Variants in TRAPPC8 observed in about 807,000 individuals in gnomAD.
TRAPPC8 encodes the protein trafficking protein particle complex subunit 8.
A neutral mutation model predicts 174.3 loss-of-function variants in TRAPPC8; 54 were observed. The observed-to-expected ratio is 0.31, with a 90% CI of 0.25 to 0.39. The LOEUF (loss-of-function observed/expected upper bound fraction) is 0.39, where lower values mean the gene tolerates loss of function less well. Among genes scored for constraint, TRAPPC8 ranks in the 10% least tolerant of loss-of-function variants. TRAPPC8 has a pLI of 1.00. For synonymous variants in TRAPPC8, 630 were observed against 579.9 expected (o/e 1.09, Z -1.24); for missense variants, 1,531 against 1,699.1 (o/e 0.90, Z 1.74).
intron 12 of TRAPPC8, among the ~76,000 whole-genome samples, chr18:31,880,458 A>G (rs2035392300): frequency 6.6e-6 from 1 of 152,100 alleles, no homozygotes; most frequent in Non-Finnish European, 1.5e-5. Flanking sequence ...CCTTCATGAT[A>G]AAAGCTCTTA....
At chr18:31,871,142 C>T in intron 14 of TRAPPC8, 22 bp from the exon 15 acceptor site, 25 of 1,460,050 alleles carry the variant, frequency 1.7e-5, no homozygotes, top group Non-Finnish European at 2.2e-5. Context: ...TTGTTAACAA[C>T]ACGTTTATGA....
chr18:31,902,044 G>A (rs564237347), intron 9 of TRAPPC8, among the ~76,000 whole-genome samples: 1 of 152,298 alleles, frequency 6.6e-6, no homozygotes, highest in African/African-American at 2.4e-5. Flanking sequence ...GCCGGGTGTG[G>A]TGACGCATGC....
intron 12 of TRAPPC8, among the ~76,000 whole-genome samples, chr18:31,877,206 G>A (rs570381057): frequency 1.3e-5 from 2 of 152,156 alleles, no homozygotes; most frequent in Non-Finnish European, 2.9e-5. Context: ...ATCATTTCCC[G>A]CCCACCCCAT....
chr18:31,938,221 C>T (rs918905528), intron 1 of TRAPPC8, among the ~76,000 whole-genome samples: 10 of 151,874 alleles, frequency 6.6e-5, no homozygotes, highest in Non-Finnish European at 8.8e-5. Flanking sequence ...ATTAATACCA[C>T]GACTCTTTGA....
rs2038411832 is a variant in TRAPPC8, at chr18:31,942,856, C to T, written c.-92G>A. 3 of 1,258,454 alleles carry T rather than the reference C, an allele frequency of 2.4e-6. No homozygotes were observed. The East Asian group carries it at 9.5e-5, about 40-fold the overall frequency. The allele number at this position is 1,258,454 out of a possible 1,614,324, so 78.0% of individuals were successfully genotyped here. On this transcript the variant is annotated 5_prime_UTR_variant, in exon 1 of 29. Transcript: ENST00000283351. ...AGCAGCTACCGCCGCCGCCCGCCGG[C>T]CTGGCCCGGCCGGGCGGGGCCCCGA...
chr18:31,909,485 T>G (rs1028372559), intron 6 of TRAPPC8, 182 bp downstream of exon 6: 19 of 920,122 alleles, frequency 2.1e-5, no homozygotes, highest in Non-Finnish European at 2.3e-5. Flanking sequence ...TAAAACAAAT[T>G]TTTAAGTGTC....
chr18:31,923,307 A>C (rs2037468230), intron 2 of TRAPPC8, among the ~76,000 whole-genome samples: 2 of 152,208 alleles, frequency 1.3e-5, no homozygotes, highest in African/African-American at 4.8e-5. Flanking sequence ...AGACAACAGA[A>C]ACGAAGTAGG....
chr18:31,927,658 T>C (rs1450004686), intron 2 of TRAPPC8, among the ~76,000 whole-genome samples: 1 of 152,146 alleles, frequency 6.6e-6, no homozygotes, highest in African/African-American at 2.4e-5. Context: ...CCACCTTAGC[T>C]TCCCAAAGCG....
chr18:31,931,596 G>A (rs527643779), intron 1 of TRAPPC8, 73 bp from the exon 2 acceptor site: 1 of 1,171,446 alleles, frequency 8.5e-7, no homozygotes. Context: ...TGGGCTGATG[G>A]TTTACAAACA....
chr18:31,916,573 C>G, intron 3 of TRAPPC8, 127 bp from the exon 4 acceptor site: 1 of 975,374 alleles, frequency 1.0e-6, no homozygotes, highest in South Asian at 2.0e-5. Context: ...CACTCTGTAG[C>G]CCAGGCTGGA....
intron 9 of TRAPPC8, among the ~76,000 whole-genome samples, chr18:31,904,341 G>A (rs1392011593): frequency 2.0e-5 from 3 of 152,086 alleles, no homozygotes; most frequent in Non-Finnish European, 4.4e-5. Flanking sequence ...CCTGAAGTCT[G>A]GAGTTCGAGA....
chr18:31,845,178 C>CA (rs34356293), intron 26 of TRAPPC8: 17,151 of 124,596 alleles, frequency 0.14, 1,261 homozygotes, highest in South Asian at 0.3. Flanking sequence ...GACTCCGTCT[C>CA]AAAAAAAAAA....
Position 31,846,376 on chromosome 18 carries a change from C to A in TRAPPC8, c.3837+340G>T, listed in dbSNP as rs2033402157. ...ATCGCTTGAGCCCAGGAGTTCAAGA[C>A]CAGCCTGGGCAACATGGTGAAACTC... On this transcript the variant is annotated intron_variant, in intron 26 of 28. Transcript: ENST00000283351. 2.0e-5 allele frequency among the ~76,000 whole-genome samples: 3 copies of A among 152,100 alleles called. No homozygotes were observed. The South Asian group carries it at 6.2e-4, about 32-fold the overall frequency.
chr18:31,900,206 C>G (rs1227657743), intron 10 of TRAPPC8, among the ~76,000 whole-genome samples: 1 of 152,092 alleles, frequency 6.6e-6, no homozygotes, highest in Non-Finnish European at 1.5e-5. Flanking sequence ...TGCACTCCCG[C>G]CTGGACGACA....
chr18:31,935,568 A>AAAAAAAG (rs2038059930), intron 1 of TRAPPC8, among the ~76,000 whole-genome samples: 7 of 144,464 alleles, frequency 4.8e-5, no homozygotes, highest in Non-Finnish European at 9.1e-5. Flanking sequence ...AAAAAAAAAA[A>AAAAAAAG]GCAGGCTTTA....
chr18:31,849,817 A>G, intron 24 of TRAPPC8, 78 bp from the exon 25 acceptor site: 1 of 1,372,736 alleles, frequency 7.3e-7, no homozygotes, highest in Non-Finnish European at 9.5e-7. Context: ...ACTCAGTTTT[A>G]ATTAAATATA....
intron 11 of TRAPPC8, among the ~76,000 whole-genome samples, chr18:31,896,823 T>C (rs1474210277): frequency 2.0e-5 from 3 of 152,064 alleles, no homozygotes; most frequent in Non-Finnish European, 4.4e-5. Context: ...AGGATTACAC[T>C]ATGTTGGCCA....
intron 26 of TRAPPC8, among the ~76,000 whole-genome samples, chr18:31,842,390 TC>T (rs2144983958): frequency 6.6e-6 from 1 of 152,350 alleles, no homozygotes; most frequent in Admixed American, 6.5e-5. Flanking sequence ...AAGCAAAGTT[TC>T]AGAACACTGA....
At chr18:31,913,326 AGTATC>A in intron 5 of TRAPPC8, 38 bp downstream of exon 5, 1 of 1,526,920 alleles carries the variant, frequency 6.5e-7, no homozygotes, top group Non-Finnish European at 8.7e-7. Context: ...TAAAAACTGA[AGTATC>A]GTTTTTGTGG....
Sources: allele counts gnomAD v4.1 joint callset (sites outside exome capture counted in the v4.1 genomes callset), GRCh38; gene constraint gnomAD v4.1.1; transcripts MANE v1.5; gene names NCBI Gene and HGNC (gene_info 2026-07-23, HGNC 2026-07-21).